The following FGF13 variants were observed in gnomAD, a reference collection of about 807,000 sequenced individuals.
The protein encoded by FGF13 is fibroblast growth factor 13.
FGF13 carries 2 observed loss-of-function variants against 19.5 expected under a neutral mutation model. That is an observed-to-expected ratio of 0.10 (90% CI 0.04 to 0.32). The LOEUF is 0.32. Among genes scored for constraint, FGF13 ranks in the 10% least tolerant of loss-of-function variants. The pLI is 1.00. For missense variants in FGF13, 113 were observed against 192.7 expected (o/e 0.59, Z 2.45); for synonymous variants, 72 against 76.9 (o/e 0.94, Z 0.33).
chrX:138,825,919 C>T (rs923678082), intron 3 of FGF13, among the ~76,000 whole-genome samples: 4 of 111,042 alleles, frequency 3.6e-5, no homozygotes, highest in Admixed American at 1.9e-4. Flanking sequence ...TGGTTAATTA[C>T]ATGGCTTCTT....
At chrX:138,831,022 C>T (rs1032546040) in intron 3 of FGF13, among the ~76,000 whole-genome samples, 8 of 110,812 alleles carry the variant, frequency 7.2e-5, no homozygotes, top group Admixed American at 3.9e-4. Flanking sequence ...ATTCTCCCCA[C>T]ATTCCAGCAC....
chrX:138,796,097 T>C (rs2090775806), intron 3 of FGF13, among the ~76,000 whole-genome samples: 1 of 110,803 alleles, frequency 9.0e-6, no homozygotes, highest in South Asian at 3.9e-4. Context: ...ATACATGTGC[T>C]GAACATGCAG....
intron 1 of FGF13, among the ~76,000 whole-genome samples, chrX:139,094,150 G>C (rs1394003208): frequency 1.8e-5 from 2 of 111,467 alleles, no homozygotes; most frequent in Non-Finnish European, 3.8e-5. Context: ...TATCCCAAGA[G>C]AGGATTCCTT....
At chrX:138,889,016 A>G (rs1421479315) in intron 1 of FGF13, among the ~76,000 whole-genome samples, 2 of 112,149 alleles carry the variant, frequency 1.8e-5, no homozygotes, top group Non-Finnish European at 3.8e-5. Flanking sequence ...AACCATGTCC[A>G]TGTGCTCAGC....
chrX:138,761,456 C>CTGCTG (rs2090465613), intron 3 of FGF13, among the ~76,000 whole-genome samples: 1 of 111,569 alleles, frequency 9.0e-6, no homozygotes, highest in Non-Finnish European at 1.9e-5. Context: ...TTTGAAAGGA[C>CTGCTG]CACTGAGGCA....
intron 1 of FGF13, among the ~76,000 whole-genome samples, chrX:139,145,692 C>A (rs182202905): frequency 4.7e-4 from 52 of 110,638 alleles, no homozygotes; most frequent in African/African-American, 1.6e-3. Context: ...CACTCTCCAC[C>A]TTCCCTCCTC....
chrX:138,761,853 C>A (rs1422158272), intron 3 of FGF13, among the ~76,000 whole-genome samples: 1 of 111,113 alleles, frequency 9.0e-6, no homozygotes, highest in Non-Finnish European at 1.9e-5. Context: ...CCTTTGTCTC[C>A]TTTACTGCGT....
intron 1 of FGF13, among the ~76,000 whole-genome samples, chrX:138,736,238 T>TA (rs748772180): frequency 4.5e-5 from 5 of 111,948 alleles, no homozygotes; most frequent in Admixed American, 3.8e-4. Flanking sequence ...TCTTCACTTG[T>TA]AATAGTTTTC....
At chrX:138,895,624 C>A (rs746644372) in intron 1 of FGF13, among the ~76,000 whole-genome samples, 1 of 111,641 alleles carries the variant, frequency 9.0e-6, no homozygotes, top group East Asian at 2.8e-4. Context: ...AAAAATAGTA[C>A]TACCATATGA....
intron 1 of FGF13, among the ~76,000 whole-genome samples, chrX:139,056,761 A>G (rs1412764731): frequency 1.8e-5 from 2 of 111,831 alleles, no homozygotes; most frequent in Non-Finnish European, 1.9e-5. Context: ...ATTTGCTGAA[A>G]AGTCACTTTA....
rs7050262 is a variant in FGF13, at chrX:139,014,361, G to C, written c.-112-149711C>G. On this transcript the variant is annotated intron_variant, in intron 1 of 2. Coordinates refer to the FGF13 transcript ENST00000421460. ...GACAGACAAAACTGACAAACCTTTA[G>C]CCAGATTAACCAAGGAAAAAAGCGA... Among the ~76,000 whole-genome samples the C allele has an allele frequency of 4.0e-3, 444 of 111,242 alleles. 1 individual carries two copies. The highest frequency in any genetic ancestry group is 0.014 in the African/African-American group (420 of 30,741).
intron 1 of FGF13, among the ~76,000 whole-genome samples, chrX:138,947,204 A>G (rs1435009353): frequency 8.9e-6 from 1 of 112,192 alleles, no homozygotes; most frequent in African/African-American, 3.2e-5. Flanking sequence ...TGATAAATGG[A>G]CATATGAATA....
chrX:138,695,745 A>G (rs1405810920), intron 3 of FGF13, among the ~76,000 whole-genome samples: 1 of 112,229 alleles, frequency 8.9e-6, no homozygotes, highest in Non-Finnish European at 1.9e-5. Context: ...AAATCGGACT[A>G]TAAGTACATA....
intron 1 of FGF13, among the ~76,000 whole-genome samples, chrX:139,145,198 A>G (rs1474492012): frequency 9.0e-6 from 1 of 111,509 alleles, no homozygotes; most frequent in Non-Finnish European, 1.9e-5. Context: ...CAGATATGTA[A>G]TTAGAAGAGG....
chrX:138,984,721 G>A (rs1463539902), intron 1 of FGF13, among the ~76,000 whole-genome samples: 2 of 94,528 alleles, frequency 2.1e-5, no homozygotes, highest in Non-Finnish European at 4.1e-5. Flanking sequence ...AGGAGGAGGA[G>A]AACAAGAAGA....
rs1159482185 is a variant in FGF13 at position 138,795,112 on chromosome X, T to G, written c.217+62400A>C. Among the ~76,000 whole-genome samples the G allele has an allele frequency of 2.7e-5, 3 of 111,742 alleles. No homozygotes were observed. In the East Asian group the frequency reaches 8.5e-4, roughly 32 times the overall value. ...GTAGGTGGAATGGAGCCAAATTAATTAACTCCTACATAGGTTTAAGTTATT... is the reference window on the plus strand; with the variant it reads ...GTAGGTGGAATGGAGCCAAATTAATGAACTCCTACATAGGTTTAAGTTATT... On this transcript the variant is annotated intron_variant, in intron 3 of 6. Coordinates refer to the FGF13 transcript ENST00000436198.
chrX:139,013,479 TTA>T lies in FGF13; in HGVS notation c.-112-148831_-112-148830del, dbSNP rs202184653. Reference sequence around the variant, plus strand: ...AATCAATGAATGGATAAAGAAAATTTTATATATATATATATATATATATATAT... The same window carrying T: ...AATCAATGAATGGATAAAGAAAATTTTATATATATATATATATATATATAT... On this transcript the variant is annotated intron_variant, in intron 1 of 2. Transcript: ENST00000421460. Among the ~76,000 whole-genome samples, 181 of 70,882 alleles carry T rather than the reference TTA, an allele frequency of 2.6e-3. 2 individuals carry two copies. Among genetic ancestry groups the T allele is most frequent in the Middle Eastern group, 0.016 (2 of 128 alleles). 61.6% of individuals were successfully genotyped at this position (70,882 alleles called of 115,157 possible). A position where few individuals can be genotyped will look rare whatever the true frequency, so the allele number is the denominator to read the frequency against.
intron 1 of FGF13, among the ~76,000 whole-genome samples, chrX:138,894,397 T>C (rs1186169009): frequency 2.7e-5 from 3 of 109,620 alleles, no homozygotes; most frequent in Admixed American, 9.7e-5. Context: ...ATCAACAAAA[T>C]TGATAGACCG....
chrX:138,754,725 C>A (rs591), intron 3 of FGF13, among the ~76,000 whole-genome samples: 40,585 of 110,148 alleles, frequency 0.37, 6,372 homozygotes, highest in African/African-American at 0.59. Flanking sequence ...TATGCCAAAC[C>A]CCTACCTGTT....
Sources: allele counts gnomAD v4.1 joint callset (sites outside exome capture counted in the v4.1 genomes callset), GRCh38; gene constraint gnomAD v4.1.1; transcripts MANE v1.5; gene names NCBI Gene and HGNC (gene_info 2026-07-23, HGNC 2026-07-21).